The following GRM8 variants were observed in gnomAD, a reference collection of about 807,000 sequenced individuals.
GRM8 encodes the protein metabotropic glutamate receptor 8.
Under a neutral mutation model 87.2 loss-of-function variants are expected in GRM8, and 47 were observed. That is an observed-to-expected ratio of 0.54 (90% CI 0.43 to 0.69). GRM8 has a LOEUF of 0.69. Ranked by LOEUF, GRM8 falls within the 30% of genes least tolerant of loss-of-function variation. The pLI, the probability that GRM8 is intolerant of heterozygous loss-of-function variation, is 0.00. For missense variants in GRM8, 1,019 were observed against 1,139.2 expected (o/e 0.89, Z 1.52); for synonymous variants, 396 against 404.5 (o/e 0.98, Z 0.25).
At chr7:126,601,487 A>G (rs1290662771) in intron 8 of GRM8, among the ~76,000 whole-genome samples, 2 of 151,966 alleles carry the variant, frequency 1.3e-5, no homozygotes, top group Non-Finnish European at 2.9e-5. Context: ...TCTAGTTCTA[A>G]ATCCCTGAGG....
chr7:126,450,190 T>C (rs1218188237), intron 9 of GRM8, among the ~76,000 whole-genome samples: 9 of 151,824 alleles, frequency 5.9e-5, no homozygotes, highest in African/African-American at 1.4e-4. Flanking sequence ...GGAGATTTTA[T>C]TTTTCCAGGA....
chr7:126,626,803 T>G (rs1263035636), intron 7 of GRM8, among the ~76,000 whole-genome samples: 1 of 152,206 alleles, frequency 6.6e-6, no homozygotes. Context: ...GAGGATCGCT[T>G]GACCCCAGGA....
chr7:126,538,651 G>T (rs1360909327), intron 8 of GRM8, among the ~76,000 whole-genome samples: 1 of 151,732 alleles, frequency 6.6e-6, no homozygotes, highest in Non-Finnish European at 1.5e-5. Flanking sequence ...TAATTATTTT[G>T]TTGACTAGTT....
intron 6 of GRM8, among the ~76,000 whole-genome samples, chr7:126,890,472 T>C (rs917342796): frequency 4.6e-5 from 7 of 152,054 alleles, no homozygotes; most frequent in African/African-American, 1.7e-4. Context: ...CTCATCACCA[T>C]CAGAACTCTT....
chr7:126,592,864 C>T (rs1249146971), intron 8 of GRM8, among the ~76,000 whole-genome samples: 1 of 151,810 alleles, frequency 6.6e-6, no homozygotes, highest in Non-Finnish European at 1.5e-5. Flanking sequence ...ATAAATTGTC[C>T]TTGTTTGTAG....
At chr7:127,035,057 A>G (rs959496699) in intron 3 of GRM8, among the ~76,000 whole-genome samples, 1 of 152,230 alleles carries the variant, frequency 6.6e-6, no homozygotes, top group African/African-American at 2.4e-5. Context: ...TCAGCCTTCA[A>G]AAAGAGATTT....
At chr7:126,452,834 G>T (rs1176071386) in intron 9 of GRM8, among the ~76,000 whole-genome samples, 2 of 151,608 alleles carry the variant, frequency 1.3e-5, no homozygotes, top group Non-Finnish European at 2.9e-5. Context: ...TGAGGGTCAG[G>T]CACTCACATT....
At chr7:127,189,259 C>T (rs1221158145) in intron 2 of GRM8, among the ~76,000 whole-genome samples, 1 of 152,156 alleles carries the variant, frequency 6.6e-6, no homozygotes, top group Non-Finnish European at 1.5e-5. Flanking sequence ...GCTGGTGATG[C>T]TTTCTGTAAA....
chr7:127,013,528 G>GATGGGGA (rs1815101613), intron 3 of GRM8, among the ~76,000 whole-genome samples: 1 of 135,702 alleles, frequency 7.4e-6, no homozygotes, highest in South Asian at 2.8e-4. Flanking sequence ...GGGGATGGGG[G>GATGGGGA]ATGGGGGATG....
chr7:126,971,583 A>G (rs1810433335), intron 3 of GRM8, among the ~76,000 whole-genome samples: 1 of 152,300 alleles, frequency 6.6e-6, no homozygotes, highest in Non-Finnish European at 1.5e-5. Flanking sequence ...GAATGCACTT[A>G]ACTATTACAC....
chr7:126,534,365 G>A (rs1338411425), intron 8 of GRM8, among the ~76,000 whole-genome samples: 1 of 152,136 alleles, frequency 6.6e-6, no homozygotes, highest in Non-Finnish European at 1.5e-5. Context: ...AATTTTGAAA[G>A]GAAATGGCAA....
At chr7:126,661,229 C>T (rs76326523) in intron 7 of GRM8, among the ~76,000 whole-genome samples, 20,037 of 151,970 alleles carry the variant, frequency 0.13, 1,746 homozygotes, top group Non-Finnish European at 0.17. Context: ...ACATCATTTC[C>T]CATGATGTGA....
chr7:127,074,434 AG>A (rs1028067920), intron 3 of GRM8, among the ~76,000 whole-genome samples: 1 of 152,168 alleles, frequency 6.6e-6, no homozygotes, highest in Non-Finnish European at 1.5e-5. Flanking sequence ...AGAATGAGGC[AG>A]GGGGCTGCTC....
chr7:126,819,631 C>G (rs73723507), intron 6 of GRM8, among the ~76,000 whole-genome samples: 3,560 of 152,084 alleles, frequency 0.023, 150 homozygotes, highest in African/African-American at 0.082. Flanking sequence ...GCCATTTCGA[C>G]TTCATTTAAT....
chr7:126,825,764 C>T (rs1019019798), intron 6 of GRM8, among the ~76,000 whole-genome samples: 7 of 151,994 alleles, frequency 4.6e-5, no homozygotes, highest in African/African-American at 1.7e-4. Context: ...TACAGGTGCA[C>T]AATGTGCAGG....
intron 7 of GRM8, among the ~76,000 whole-genome samples, chr7:126,760,113 A>G (rs1258163043): frequency 2.6e-5 from 4 of 152,246 alleles, no homozygotes; most frequent in Admixed American, 6.5e-5. Flanking sequence ...ACTGCATCCC[A>G]GTTTAGACCC....
chr7:127,247,626 T>C (rs1164610851), intron 1 of GRM8, among the ~76,000 whole-genome samples: 6 of 152,152 alleles, frequency 3.9e-5, no homozygotes, highest in Non-Finnish European at 5.9e-5. Context: ...GAGCTCTCCC[T>C]TGGCAACAGA....
intron 7 of GRM8, among the ~76,000 whole-genome samples, chr7:126,736,643 T>C (rs1288926899): frequency 3.9e-5 from 6 of 152,078 alleles, no homozygotes; most frequent in African/African-American, 1.4e-4. Flanking sequence ...GGCTACACGA[T>C]GCCAAGACAG....
chr7:127,074,454 G>C (rs763737357), intron 3 of GRM8, among the ~76,000 whole-genome samples: 1 of 152,110 alleles, frequency 6.6e-6, no homozygotes, highest in Non-Finnish European at 1.5e-5. Context: ...TCCTCCTCTG[G>C]GGACAGAGCT....
Sources: gnomAD v4.1 joint callset for allele counts (sites outside exome capture counted in the v4.1 genomes callset) on GRCh38, gnomAD v4.1.1 for gene constraint, MANE v1.5 for transcripts, NCBI Gene and HGNC (gene_info 2026-07-23, HGNC 2026-07-21) for gene names.